Variants in CAPN6 observed in about 807,000 individuals in gnomAD.
CAPN6 encodes the protein calpain-6.
Under a neutral mutation model 46.0 loss-of-function variants are expected in CAPN6, and 16 were observed. The observed-to-expected ratio is 0.35, with a 90% CI of 0.24 to 0.53. The LOEUF is 0.53. Among genes scored for constraint, CAPN6 ranks in the 20% least tolerant of loss-of-function variants. The probability of loss-of-function intolerance (pLI) is 0.94; values close to 1 mark genes in which losing one functional copy is unlikely to be tolerated. For missense variants in CAPN6, 461 were observed against 498.0 expected (o/e 0.93, Z 0.71); for synonymous variants, 206 against 172.8 (o/e 1.19, Z -1.51).
At chrX:111,257,119 A>C (rs933325675) in intron 2 of CAPN6, among the ~76,000 whole-genome samples, 4 of 111,433 alleles carry the variant, frequency 3.6e-5, no homozygotes, top group East Asian at 2.8e-4. Context: ...TTTATTTTTC[A>C]GAACCACATA....
intron 1 of CAPN6, among the ~76,000 whole-genome samples, chrX:111,266,678 T>G (rs1302386127): frequency 8.9e-6 from 1 of 112,583 alleles, no homozygotes; most frequent in Non-Finnish European, 1.9e-5. Context: ...AAATGGCAGC[T>G]CAGAGAAGCA....
chrX:111,256,848 C>CA (rs1268382620), intron 2 of CAPN6, among the ~76,000 whole-genome samples: 1 of 74,403 alleles, frequency 1.3e-5, no homozygotes, highest in Non-Finnish European at 2.1e-5. Flanking sequence ...ATTTGGGACC[C>CA]CCCCCCCCAC....
chrX:111,248,937 T>G lies in CAPN6; in HGVS notation c.1279A>C (p.Lys427Gln). 1 of 1,211,685 alleles carries G rather than the reference T, an allele frequency of 8.3e-7. No individual in the cohort carries two copies. The highest frequency in any genetic ancestry group is 1.8e-5 in the South Asian group (1 of 56,938). Reference protein sequence around the residue: ...DNYIIGFELFKVEMNRKFRLH... With the variant: ...DNYIIGFELFQVEMNRKFRLH... Reference sequence around the variant, plus strand: ...CTGCCCCAAATGCCCATTTTTACCTTGAAGAGCTCAAAGCCAATGATGTAA... The same window carrying G: ...CTGCCCCAAATGCCCATTTTTACCTGGAAGAGCTCAAAGCCAATGATGTAA... Residue 427 changes from lysine to glutamine, a missense_variant and splice_region_variant, in exon 9 of 13, where the codon AAG becomes CAG. By Grantham distance (53) the Lys-to-Gln change is moderately conservative. Transcript: ENST00000324068.
In CAPN6 at chrX:111,254,354, T is replaced by C. The variant is rs1378040227; in HGVS notation, c.215A>G (p.Gln72Arg). ...HLIVGNISNH[Q>R]LTQGRLGHKP... ...GTGCCCCAGTCTCCCTTGGGTCAGCTGGTGGTTGCTAATGTTGCCCACAAT... is the reference window on the plus strand; with the variant it reads ...GTGCCCCAGTCTCCCTTGGGTCAGCCGGTGGTTGCTAATGTTGCCCACAAT... The change falls in exon 3 of 13, where the codon CAG becomes CGG. Residue 72 changes from glutamine to arginine, a missense_variant. By Grantham distance (43) the Gln-to-Arg change is conservative. Coordinates refer to ENST00000324068, the MANE Select transcript of CAPN6 (RefSeq NM_014289.4). 1 of 1,210,410 alleles carries C rather than the reference T, an allele frequency of 8.3e-7. No homozygotes were observed. Among genetic ancestry groups the C allele is most frequent in the Non-Finnish European group, 1.1e-6 (1 of 894,423 alleles).
Position 111,251,193 on chromosome X carries a change from A to G in CAPN6, c.971+16T>C, listed in dbSNP as rs1291170003. 2 of 1,206,733 alleles carry G rather than the reference A, an allele frequency of 1.7e-6. No individual in the cohort carries two copies. The highest frequency in any genetic ancestry group is 3.0e-5 in the East Asian group (1 of 33,738). On this transcript the variant is annotated intron_variant, in intron 7 of 12. Transcript: ENST00000324068. ...GTAGAAGCCCCAATTCCCTTAGTGCAGAAACCCCTCCTCACCAAAACTCTC... is the reference window on the plus strand; with the variant it reads ...GTAGAAGCCCCAATTCCCTTAGTGCGGAAACCCCTCCTCACCAAAACTCTC...
intron 2 of CAPN6, among the ~76,000 whole-genome samples, chrX:111,256,258 G>T (rs1374115986): frequency 2.7e-5 from 3 of 110,791 alleles, no homozygotes; most frequent in Non-Finnish European, 5.7e-5. Flanking sequence ...AATTAGCCAG[G>T]CGTGGTGGCA....
intron 2 of CAPN6, among the ~76,000 whole-genome samples, chrX:111,262,996 A>G (rs2094989035): frequency 8.9e-6 from 1 of 112,012 alleles, no homozygotes; most frequent in Non-Finnish European, 1.9e-5. Flanking sequence ...AATTTGTCTC[A>G]TTTATGCTCA....
intron 4 of CAPN6, 144 bp downstream of exon 4, chrX:111,252,864 T>G (rs55657796): frequency 8.4e-6 from 4 of 474,497 alleles, no homozygotes; most frequent in Non-Finnish European, 1.4e-5. Context: ...CAGGCCCAAG[T>G]GCAAAGCAAT....
chrX:111,251,424 C>T (rs1241980808), intron 6 of CAPN6, 125 bp downstream of exon 6: 1 of 895,004 alleles, frequency 1.1e-6, no homozygotes, highest in Non-Finnish European at 1.6e-6. Flanking sequence ...GGTCACAGAC[C>T]CCGTGCCTGA....
intron 8 of CAPN6, 30 bp from the exon 9 acceptor site, chrX:111,249,087 G>T (rs778143802): frequency 3.3e-6 from 4 of 1,194,979 alleles, no homozygotes; most frequent in Non-Finnish European, 4.5e-6. Flanking sequence ...ACAGAGGTGA[G>T]TTAGCATTCC....
intron 2 of CAPN6, among the ~76,000 whole-genome samples, chrX:111,261,315 A>T (rs2094987779): frequency 8.9e-6 from 1 of 112,738 alleles, no homozygotes; most frequent in African/African-American, 3.2e-5. Flanking sequence ...TTATATAAAG[A>T]TATATAATGG....
At chrX:111,256,043 GCA>G (rs1350851133) in intron 2 of CAPN6, among the ~76,000 whole-genome samples, 1 of 111,476 alleles carries the variant, frequency 9.0e-6, no homozygotes, top group Non-Finnish European at 1.9e-5. Flanking sequence ...ATGAAACTAA[GCA>G]CAGTTTTTCC....
intron 1 of CAPN6, among the ~76,000 whole-genome samples, chrX:111,266,958 G>A (rs2094992431): frequency 8.9e-6 from 1 of 112,270 alleles, no homozygotes; most frequent in Admixed American, 9.4e-5. Context: ...CTTTACATCG[G>A]CGGGTTCATC....
chrX:111,255,557 T>G (rs982650664), intron 2 of CAPN6, among the ~76,000 whole-genome samples: 1 of 113,054 alleles, frequency 8.8e-6, no homozygotes, highest in Non-Finnish European at 1.9e-5. Context: ...GCAGCAGAAA[T>G]AAATCCTTGT....
rs1010739438 is a variant in CAPN6, at chrX:111,256,852, C to G, written c.166-2449G>C. On this transcript the variant is annotated intron_variant, in intron 2 of 12. Transcript: ENST00000324068. ...AGAGAATGTAAATTTGGGACCCCCC[C>G]CCCCACAACATTCCATTTCCTCTTA... Among the ~76,000 whole-genome samples the G allele has an allele frequency of 2.1e-4, 22 of 107,039 alleles. No individual in the cohort carries two copies. In the South Asian group the frequency reaches 3.7e-3, roughly 18 times the overall value. 93.0% of individuals were successfully genotyped at this position (107,039 alleles called of 115,157 possible).
intron 1 of CAPN6, among the ~76,000 whole-genome samples, chrX:111,264,465 G>A (rs951181694): frequency 4.9e-4 from 55 of 111,683 alleles, no homozygotes; most frequent in Middle Eastern, 4.6e-3. Flanking sequence ...AATTTCTTCC[G>A]TCTTGTCATT....
rs17882499 is a variant in CAPN6 at position 111,256,436 on chromosome X, C to A, written c.166-2033G>T. 7.0e-3 allele frequency among the ~76,000 whole-genome samples: 779 copies of A among 111,892 alleles called. 9 individuals are homozygous for A. The highest frequency in any genetic ancestry group is 0.024 in the African/African-American group (743 of 30,812). On this transcript the variant is annotated intron_variant, in intron 2 of 12. Coordinates refer to ENST00000324068, the MANE Select transcript of CAPN6 (RefSeq NM_014289.4). The stretch of plus-strand genomic sequence containing the variant: ...AATGATTTATTTGACCTAGATAATA[C>A]ATATCATAGTTTCCTAACATGGAAA...
intron 2 of CAPN6, among the ~76,000 whole-genome samples, chrX:111,263,148 G>A (rs2094989174): frequency 8.9e-6 from 1 of 111,906 alleles, no homozygotes; most frequent in African/African-American, 3.2e-5. Context: ...AAATAAGGTT[G>A]GCATATCTCT....
Position 111,247,363 on chromosome X carries a change from C to T in CAPN6, c.1743+5G>A, listed in dbSNP as rs192428003. 224 of 1,202,157 alleles carry T rather than the reference C, an allele frequency of 1.9e-4. 1 individual carries two copies. In the East Asian group the frequency reaches 6.5e-3, roughly 35 times the overall value. On this transcript the variant is annotated splice_donor_5th_base_variant and intron_variant, in intron 12 of 12. Transcript: ENST00000324068. ...CTTTCTGGCGACCCCTGTACACACT[C>T]TTACCTGTACTATAATAGGAATGTC...
Sources: allele counts gnomAD v4.1 joint callset (sites outside exome capture counted in the v4.1 genomes callset), GRCh38; gene constraint gnomAD v4.1.1; transcripts MANE v1.5; gene names NCBI Gene and HGNC (gene_info 2026-07-23, HGNC 2026-07-21).